The following SMIM31 variants were observed in gnomAD, a reference collection of about 807,000 sequenced individuals.
SMIM31 encodes the protein small integral membrane protein 31.
chr4:164,781,549 G>A (rs1732948896), intron 2 of SMIM31, among the ~76,000 whole-genome samples: 1 of 152,076 alleles, frequency 6.6e-6, no homozygotes, highest in African/African-American at 2.4e-5. Flanking sequence ...CCTCATTATT[G>A]TTTTAGGCCA....
chr4:164,754,796 T>C (rs74286490), intron 1 of SMIM31, among the ~76,000 whole-genome samples: 16,728 of 151,004 alleles, frequency 0.11, 1,035 homozygotes, highest in African/African-American at 0.15. Context: ...TACTTTTCTA[T>C]GCTGAAAGTA....
intron 1 of SMIM31, among the ~76,000 whole-genome samples, chr4:164,764,428 G>T (rs529307452): frequency 6.6e-6 from 1 of 152,044 alleles, no homozygotes; most frequent in Non-Finnish European, 1.5e-5. Context: ...TTAGCTGAGC[G>T]TGGTGGCGTG....
intron 2 of SMIM31, among the ~76,000 whole-genome samples, chr4:164,777,585 T>C (rs1732894285): frequency 1.3e-5 from 2 of 152,108 alleles, no homozygotes; most frequent in African/African-American, 2.4e-5. Flanking sequence ...TAATGACCAG[T>C]AGGAAGTGAT....
At chr4:164,760,676 G>T (rs1371519286) in intron 1 of SMIM31, among the ~76,000 whole-genome samples, 3 of 149,518 alleles carry the variant, frequency 2.0e-5, no homozygotes, top group South Asian at 4.2e-4. Flanking sequence ...GAAAGTGGAG[G>T]TTGCAGTGAG....
chr4:164,776,977 C>A (rs1429501776), intron 2 of SMIM31, among the ~76,000 whole-genome samples: 1 of 152,160 alleles, frequency 6.6e-6, no homozygotes, highest in Non-Finnish European at 1.5e-5. Flanking sequence ...CAGAAATACT[C>A]ATTAGGATCT....
At chr4:164,785,740 G>A (rs1733018652) in intron 2 of SMIM31, among the ~76,000 whole-genome samples, 1 of 142,588 alleles carries the variant, frequency 7.0e-6, no homozygotes, top group Non-Finnish European at 1.6e-5. Context: ...CTTCTTGTGT[G>A]TGTATGCACA....
intron 2 of SMIM31, among the ~76,000 whole-genome samples, chr4:164,779,240 G>A (rs1231950080): frequency 2.6e-5 from 4 of 152,100 alleles, no homozygotes; most frequent in African/African-American, 9.7e-5. Flanking sequence ...TTTGGTCACC[G>A]CAGCTATTTC....
rs187504253 is a variant in SMIM31 at position 164,801,694 on chromosome 4, A to G, written c.*500A>G. On this transcript the variant is annotated 3_prime_UTR_variant, in exon 3 of 3. Coordinates refer to ENST00000507311, the MANE Select transcript of SMIM31 (RefSeq NM_001352885.1). ...AAACACTATATATTTTTTCAGCTTT[A>G]CAGAAGAAATTTTGAAAGGTTTACA... 1 of 152,320 alleles carries G rather than the reference A, an allele frequency of 6.6e-6. No individual in the cohort carries two copies. The highest frequency in any genetic ancestry group is 1.9e-4 in the East Asian group (1 of 5,180). The allele number at this position is 152,320 out of a possible 1,614,324, so 9.4% of individuals were successfully genotyped here. A position where few individuals can be genotyped will look rare whatever the true frequency, so the allele number is the denominator to read the frequency against.
chr4:164,792,624 T>C lies in SMIM31; in HGVS notation c.113-8467T>C, dbSNP rs1047302846. 4.6e-5 allele frequency among the ~76,000 whole-genome samples: 7 copies of C among 152,306 alleles called. No individual in the cohort carries two copies. In the East Asian group the frequency reaches 1.3e-3, roughly 29 times the overall value. ...TTAATTTTTTGTTTAACATTATTAA[T>C]TGGTGAATTCAGCATCTGAACTGTG... On this transcript the variant is annotated intron_variant, in intron 2 of 2. Coordinates refer to ENST00000507311, the MANE Select transcript of SMIM31 (RefSeq NM_001352885.1).
intron 2 of SMIM31, among the ~76,000 whole-genome samples, chr4:164,797,158 C>T (rs932992610): frequency 1.3e-5 from 2 of 152,170 alleles, no homozygotes; most frequent in East Asian, 1.9e-4. Context: ...ATAAGCTTTA[C>T]GCTCACCACA....
intron 2 of SMIM31, among the ~76,000 whole-genome samples, chr4:164,771,174 C>T (rs901720669): frequency 7.9e-5 from 12 of 152,118 alleles, no homozygotes; most frequent in Admixed American, 5.2e-4. Flanking sequence ...CTATTCTATC[C>T]GATAGACATA....
At chr4:164,759,961 C>G (rs1158611290) in intron 1 of SMIM31, among the ~76,000 whole-genome samples, 1 of 152,090 alleles carries the variant, frequency 6.6e-6, no homozygotes, top group East Asian at 1.9e-4. Context: ...AAAGTAACAC[C>G]TCTGAGCAAA....
chr4:164,768,427 C>CAAAAA lies in SMIM31; in HGVS notation c.-25-1980_-25-1976dup, dbSNP rs758951225. Among the ~76,000 whole-genome samples, 58 of 94,682 alleles carry CAAAAA rather than the reference C, an allele frequency of 6.1e-4. 3 individuals are homozygous for CAAAAA. The highest frequency in any genetic ancestry group is 1.4e-3 in the East Asian group (4 of 2,952). The allele number at this position is 94,682 out of a possible 152,430, so 62.1% of individuals were successfully genotyped here. A position where few individuals can be genotyped will look rare whatever the true frequency, so the allele number is the denominator to read the frequency against. ...CTGGGTGACGAGCAACAGTACATCT[C>CAAAAA]AAAAAAAAAAAAAAAAGAATGAGGA... is the stretch of plus-strand genomic sequence containing the variant. On this transcript the variant is annotated intron_variant, in intron 1 of 2. Coordinates refer to ENST00000507311, the MANE Select transcript of SMIM31 (RefSeq NM_001352885.1).
At chr4:164,792,277 A>G (rs1365977783) in intron 2 of SMIM31, among the ~76,000 whole-genome samples, 4 of 150,872 alleles carry the variant, frequency 2.7e-5, no homozygotes, top group Non-Finnish European at 4.4e-5. Context: ...AGGGGGAGAT[A>G]ATTGAAAATA....
chr4:164,756,868 G>T (rs1231382373), intron 1 of SMIM31, among the ~76,000 whole-genome samples: 2 of 152,182 alleles, frequency 1.3e-5, no homozygotes, highest in African/African-American at 4.8e-5. Context: ...TTCTTGGCTA[G>T]TATGAATAAG....
intron 1 of SMIM31, among the ~76,000 whole-genome samples, chr4:164,765,160 G>A (rs947893930): frequency 1.3e-5 from 2 of 152,164 alleles, no homozygotes; most frequent in Non-Finnish European, 2.9e-5. Context: ...GAGACATGGA[G>A]TTGCCCAAAG....
At chr4:164,783,080 C>T (rs35267423) in intron 2 of SMIM31, among the ~76,000 whole-genome samples, 12,555 of 150,746 alleles carry the variant, frequency 0.083, 1,369 homozygotes, top group African/African-American at 0.26. Context: ...TAGCCAGGCA[C>T]GTTGGCACAC....
intron 1 of SMIM31, among the ~76,000 whole-genome samples, chr4:164,765,612 T>C (rs1331216092): frequency 4.3e-5 from 6 of 138,110 alleles, no homozygotes; most frequent in Non-Finnish European, 7.6e-5. Context: ...AAGGAAGGGA[T>C]ACTTTGTCTC....
At chr4:164,792,393 G>A (rs1733113897) in intron 2 of SMIM31, among the ~76,000 whole-genome samples, 1 of 152,104 alleles carries the variant, frequency 6.6e-6, no homozygotes. Flanking sequence ...GGGAAACTTA[G>A]TTTGTCTTGA....
Sources: gnomAD v4.1 joint callset for allele counts (sites outside exome capture counted in the v4.1 genomes callset) on GRCh38, gnomAD v4.1.1 for gene constraint, MANE v1.5 for transcripts, NCBI Gene and HGNC (gene_info 2026-07-23, HGNC 2026-07-21) for gene names.